PCGF5: variants seen among roughly 807,000 people sequenced by gnomAD.
PCGF5 encodes polycomb group ring finger 5, also known as polycomb group RING finger protein 5.
In PCGF5, 9 loss-of-function variants were observed where a neutral mutation model predicts 44.3. The ratio of observed to expected loss-of-function variants is 0.20; its 90% CI spans 0.12 to 0.35. The LOEUF (loss-of-function observed/expected upper bound fraction) is 0.35. Among genes scored for constraint, PCGF5 ranks in the 10% least tolerant of loss-of-function variants. PCGF5 has a pLI of 1.00. For synonymous variants in PCGF5, 95 were observed against 102.5 expected (o/e 0.93, Z 0.44); for missense variants, 146 against 305.3 (o/e 0.48, Z 3.89).
intron 1 of PCGF5, among the ~76,000 whole-genome samples, chr10:91,170,563 C>T (rs1405574916): frequency 2.0e-5 from 3 of 152,152 alleles, no homozygotes; most frequent in Non-Finnish European, 2.9e-5. Flanking sequence ...CCATGATATA[C>T]CACTATACAC....
chr10:91,170,055 C>T (rs1212714232), intron 1 of PCGF5, among the ~76,000 whole-genome samples: 4 of 152,174 alleles, frequency 2.6e-5, no homozygotes, highest in Non-Finnish European at 5.9e-5. Context: ...GAGGCTGAAA[C>T]AACTGGACAT....
intron 6 of PCGF5, among the ~76,000 whole-genome samples, chr10:91,256,327 A>G (rs1029817174): frequency 2.0e-5 from 3 of 152,094 alleles, no homozygotes; most frequent in African/African-American, 4.8e-5. Flanking sequence ...GAGGCTCAAC[A>G]GCAGACTTGA....
intron 1 of PCGF5, among the ~76,000 whole-genome samples, chr10:91,178,447 T>C (rs900351288): frequency 3.3e-5 from 5 of 151,646 alleles, no homozygotes; most frequent in Non-Finnish European, 7.4e-5. Context: ...TGGAGTGCAG[T>C]GGTGTGATTA....
At chr10:91,163,604 G>C (rs1376451645) in intron 1 of PCGF5, among the ~76,000 whole-genome samples, 1 of 152,086 alleles carries the variant, frequency 6.6e-6, no homozygotes, top group Non-Finnish European at 1.5e-5. Flanking sequence ...TTTGGGGGCC[G>C]CTGGCTCGGG....
chr10:91,212,871 G>T (rs887196520), intron 1 of PCGF5, among the ~76,000 whole-genome samples: 13 of 152,134 alleles, frequency 8.5e-5, no homozygotes, highest in Admixed American at 2.6e-4. Flanking sequence ...TCCTCTCTTT[G>T]TAAAGATCTG....
chr10:91,233,446 G>A (rs926161026), intron 2 of PCGF5, among the ~76,000 whole-genome samples: 4 of 152,124 alleles, frequency 2.6e-5, no homozygotes, highest in African/African-American at 7.2e-5. Context: ...TGTTGTACTC[G>A]GTAGAAGAAA....
chr10:91,267,805 T>C (rs576253003), intron 8 of PCGF5, among the ~76,000 whole-genome samples: 45 of 152,306 alleles, frequency 3.0e-4, no homozygotes, highest in Middle Eastern at 3.4e-3. Context: ...TGCCAGGATG[T>C]CTGAAGAGCT....
upstream of PCGF5, chr10:91,220,527 CCGGG>C (rs1323859841): frequency 1.3e-5 from 2 of 152,068 alleles, no homozygotes; most frequent in African/African-American, 4.8e-5. Context: ...GGCGCGGCCT[CCGGG>C]CGTGGTGGTG....
At chr10:91,227,878 C>CT (rs1286165500) in intron 2 of PCGF5, 1 of 984,246 alleles carries the variant, frequency 1.0e-6, no homozygotes, top group Non-Finnish European at 1.2e-6. Flanking sequence ...CTCATCCCCT[C>CT]TAAGATGTGC....
At chr10:91,192,878 TG>T (rs1844058713) in intron 1 of PCGF5, among the ~76,000 whole-genome samples, 1 of 152,144 alleles carries the variant, frequency 6.6e-6, no homozygotes, top group South Asian at 2.1e-4. Context: ...CCCTAATCCT[TG>T]GGACCTGTAA....
chr10:91,211,847 A>G (rs942819639), intron 1 of PCGF5, among the ~76,000 whole-genome samples: 1 of 151,932 alleles, frequency 6.6e-6, no homozygotes, highest in African/African-American at 2.4e-5. Context: ...AGACAAGGTT[A>G]TAGAGCTTAT....
At chr10:91,274,693 C>T (rs909604149) in intron 9 of PCGF5, among the ~76,000 whole-genome samples, 1 of 152,124 alleles carries the variant, frequency 6.6e-6, no homozygotes, top group Non-Finnish European at 1.5e-5. Context: ...AAGAGAAGCC[C>T]TCTTTGAGGT....
intron 1 of PCGF5, among the ~76,000 whole-genome samples, chr10:91,194,292 C>T (rs558338714): frequency 1.2e-4 from 19 of 152,116 alleles, no homozygotes; most frequent in Non-Finnish European, 2.4e-4. Flanking sequence ...GTGGGCCCAA[C>T]CTAGTCACAG....
At position 91,281,023 on chromosome 10, in the gene PCGF5, G is replaced by A. The variant is rs1159874877; in HGVS notation, c.*2707G>A. 1 of 152,392 alleles carries A rather than the reference G, an allele frequency of 6.6e-6. No homozygotes were observed. The highest frequency in any genetic ancestry group is 1.5e-5 in the Non-Finnish European group (1 of 67,876). 9.4% of individuals were successfully genotyped at this position (152,392 alleles called of 1,614,324 possible). ...CTTTTATCTGCCTTAGAAATTATAA[G>A]TATAAAAGGGTCAAGGGAACTTAGA... On this transcript the variant is annotated 3_prime_UTR_variant, in exon 10 of 10. Transcript: ENST00000336126.
Position 91,260,383 on chromosome 10 carries a change from AT to A in PCGF5, c.475-941del, listed in dbSNP as rs548661307. ...GGTGGGACTGTAAACTAGTTCAACC[AT>A]TGTGGAAGTCGATGTGGCGATTCTT... On this transcript the variant is annotated intron_variant, in intron 6 of 9. Coordinates refer to ENST00000336126, the MANE Select transcript of PCGF5 (RefSeq NM_032373.5). Among the ~76,000 whole-genome samples the A allele has an allele frequency of 1.8e-3, 278 of 152,352 alleles. 1 individual carries two copies. Among genetic ancestry groups the A allele is most frequent in the African/African-American group, 6.2e-3 (257 of 41,590 alleles).
At chr10:91,275,449 T>C (rs1006891896) in intron 9 of PCGF5, among the ~76,000 whole-genome samples, 5 of 151,626 alleles carry the variant, frequency 3.3e-5, no homozygotes, top group African/African-American at 1.2e-4. Flanking sequence ...CATTTTATTT[T>C]TTTTTTTTTT....
chr10:91,168,006 C>A (rs1365375860), intron 1 of PCGF5, among the ~76,000 whole-genome samples: 1 of 152,144 alleles, frequency 6.6e-6, no homozygotes, highest in African/African-American at 2.4e-5. Flanking sequence ...GGAAGGGACA[C>A]TAGTAAAGCA....
At chr10:91,227,334 T>A in intron 2 of PCGF5, 1 of 1,054,114 alleles carries the variant, frequency 9.5e-7, no homozygotes, top group South Asian at 1.3e-5. Context: ...CTTTTCTTCT[T>A]AGCTGCAGAA....
intron 1 of PCGF5, among the ~76,000 whole-genome samples, chr10:91,171,193 G>T (rs1051626230): frequency 6.6e-6 from 1 of 152,190 alleles, no homozygotes; most frequent in African/African-American, 2.4e-5. Flanking sequence ...TCCCTAGAAT[G>T]TAGAAGAATA....
Sources: gnomAD v4.1 joint callset for allele counts (sites outside exome capture counted in the v4.1 genomes callset) on GRCh38, gnomAD v4.1.1 for gene constraint, MANE v1.5 for transcripts, NCBI Gene and HGNC (gene_info 2026-07-23, HGNC 2026-07-21) for gene names.